The following SCAF1 variants were observed in gnomAD, a reference collection of about 807,000 sequenced individuals.
SCAF1 encodes SR-related CTD associated factor 1.
Under a neutral mutation model 91.2 loss-of-function variants are expected in SCAF1, and 28 were observed. The ratio of observed to expected loss-of-function variants is 0.31; its 90% CI spans 0.23 to 0.42. The LOEUF (loss-of-function observed/expected upper bound fraction) is 0.42. Among genes scored for constraint, SCAF1 ranks in the 10% least tolerant of loss-of-function variants. The pLI, the probability that SCAF1 is intolerant of heterozygous loss-of-function variation, is 1.00. For synonymous variants in SCAF1, 1,036 were observed against 833.7 expected (o/e 1.24, Z -4.18); for missense variants, 1,893 against 1,872.1 (o/e 1.01, Z -0.21).
rs948670916 is a variant in SCAF1, at chr19:49,645,915, C to T, written c.167-193C>T. Among the ~76,000 whole-genome samples, 1 of 152,204 alleles carries T rather than the reference C, an allele frequency of 6.6e-6. No individual in the cohort carries two copies. Among genetic ancestry groups the T allele is most frequent in the African/African-American group, 2.4e-5 (1 of 41,514 alleles). ...AGGTGTCTGAGGGCAGACAGGAGGA[C>T]GAATGGCTGAGCGTCGCAGCCTCTG... On this transcript the variant is annotated intron_variant, in intron 3 of 10. Coordinates refer to ENST00000360565, the MANE Select transcript of SCAF1 (RefSeq NM_021228.3). The surrounding 1 kb of genome is among the most constrained non-coding windows in gnomAD (Gnocchi z 4.6).
At chr19:49,650,060 G>A (rs2081076526) in intron 6 of SCAF1, among the ~76,000 whole-genome samples, 1 of 152,242 alleles carries the variant, frequency 6.6e-6, no homozygotes, top group African/African-American at 2.4e-5. Flanking sequence ...ACTTAGCACA[G>A]TGCAGCGGGC....
At position 49,652,249 on chromosome 19, in the gene SCAF1, C is replaced by G. The variant is rs968008017; in HGVS notation, c.1860C>G (p.Ser620=). 1.5e-5 allele frequency: 21 copies of G among 1,422,464 alleles called. No individual in the cohort carries two copies. Among genetic ancestry groups the G allele is most frequent in the Admixed American group, 3.0e-5 (1 of 33,626 alleles). The allele number at this position is 1,422,464 out of a possible 1,614,324, so 88.1% of individuals were successfully genotyped here. A position where few individuals can be genotyped will look rare whatever the true frequency, so the allele number is the denominator to read the frequency against. Reference sequence around the variant, plus strand: ...CCGCCTCCCCGCCCCCGGCCACTTCCTCATCGTCGTCCTCGAGGCGCGAGC... The same window carrying G: ...CCGCCTCCCCGCCCCCGGCCACTTCGTCATCGTCGTCCTCGAGGCGCGAGC... The part of the protein sequence containing the change: ...RRSASPPPAT[S]SSSSSRRERH... The change falls in exon 7 of 11, where the codon TCC becomes TCG. Residue 620 remains serine, a synonymous_variant. Coordinates refer to ENST00000360565, the MANE Select transcript of SCAF1 (RefSeq NM_021228.3).
In SCAF1 at chr19:49,651,797, C is replaced by A; in HGVS notation, c.1408C>A (p.Pro470Thr). 1 of 1,271,600 alleles carries A rather than the reference C, an allele frequency of 7.9e-7. No homozygotes were observed. Among genetic ancestry groups the A allele is most frequent in the Non-Finnish European group, 9.9e-7 (1 of 1,009,850 alleles). 78.8% of individuals were successfully genotyped at this position (1,271,600 alleles called of 1,614,324 possible). A position where few individuals can be genotyped will look rare whatever the true frequency, so the allele number is the denominator to read the frequency against. Residue 470 changes from proline to threonine, a missense_variant, in exon 7 of 11, where the codon CCG (proline) becomes ACG (threonine). Coordinates refer to ENST00000360565, the MANE Select transcript of SCAF1 (RefSeq NM_021228.3). ...QVDLGEPAPA[P>T]PAADSRWGGL... ...GGACCTAGGGGAGCCGGCTCCCGCGCCGCCCGCCGCCGACTCGCGCTGGGG... is the reference window on the plus strand; with the variant it reads ...GGACCTAGGGGAGCCGGCTCCCGCGACGCCCGCCGCCGACTCGCGCTGGGG...
chr19:49,657,420 T>G (rs2081146839), intron 9 of SCAF1, among the ~76,000 whole-genome samples: 1 of 152,220 alleles, frequency 6.6e-6, no homozygotes, highest in Non-Finnish European at 1.5e-5. Context: ...AGAGTCTGAT[T>G]CAAAACCAGC....
chr19:49,640,898 G>A (rs909739391), upstream of SCAF1, among the ~76,000 whole-genome samples: 3 of 152,206 alleles, frequency 2.0e-5, no homozygotes, highest in African/African-American at 7.2e-5. Flanking sequence ...GAAGCAGAGG[G>A]CCCAGACTCC....
At position 49,646,245 on chromosome 19, in the gene SCAF1, A is replaced by G. The variant is rs1185194098; in HGVS notation, c.261+43A>G. 3.1e-6 allele frequency: 3 copies of G among 973,424 alleles called. No homozygotes were observed. Among genetic ancestry groups the G allele is most frequent in the Non-Finnish European group, 2.9e-6 (2 of 683,506 alleles). The allele number at this position is 973,424 out of a possible 1,614,324, so 60.3% of individuals were successfully genotyped here. A position where few individuals can be genotyped will look rare whatever the true frequency, so the allele number is the denominator to read the frequency against. The stretch of plus-strand genomic sequence containing the variant: ...GCTGGGGGCCTGGCTCACGGGTATC[A>G]GGGAGGAAGGGATGGGGGCCTGAGT... On this transcript the variant is annotated intron_variant, in intron 4 of 10. Coordinates refer to ENST00000360565, the MANE Select transcript of SCAF1 (RefSeq NM_021228.3). This position sits in a 1 kb window ranked among gnomAD's most constrained non-coding sequence, Gnocchi z 5.6.
In SCAF1 at chr19:49,653,650, C is replaced by T; in HGVS notation, c.3261C>T (p.Pro1087=). ...CCCAGCTGCCCACGTTGCCCCCGCC[C>T]ATGCCCTGGAATCTGCCAGCTGGTG... ...RVSQLPTLPP[P]MPWNLPAGVD... Residue 1087 remains proline (P), a synonymous_variant, in exon 7 of 11, where the codon CCC becomes CCT. Transcript: ENST00000360565. 1.3e-6 allele frequency: 2 copies of T among 1,588,302 alleles called. No homozygotes were observed. Among genetic ancestry groups the T allele is most frequent in the Non-Finnish European group, 1.7e-6 (2 of 1,172,316 alleles).
chr19:49,654,507 C>A, intron 8 of SCAF1, 76 bp downstream of exon 8: 1 of 1,456,396 alleles, frequency 6.9e-7, no homozygotes, highest in Non-Finnish European at 9.6e-7. Flanking sequence ...GAACCGCGGG[C>A]CTGGCAGCTC....
Position 49,653,346 on chromosome 19 carries a change from C to A in SCAF1, c.2957C>A (p.Pro986His). ...TPPPKAAPPP[P>H]ALTPDSQTVD... ...CCCCCCAAGGCAGCCCCACCACCCC[C>A]TGCCCTCACTCCGGACTCGCAGACC... The change falls in exon 7 of 11, where the codon CCT (proline) becomes CAT (histidine). Residue 986 changes from proline to histidine, a missense_variant. Physicochemically the swap from Pro to His is moderately conservative, Grantham distance 77. This residue lies in a region of SCAF1 where 1,436 missense variants were observed against 1,306.8 expected (regional missense o/e 1.10). Coordinates refer to ENST00000360565, the MANE Select transcript of SCAF1 (RefSeq NM_021228.3). 5.4e-6 allele frequency: 8 copies of A among 1,481,920 alleles called. No homozygotes were observed. The highest frequency in any genetic ancestry group is 6.3e-6 in the Non-Finnish European group (7 of 1,114,474). 91.8% of individuals were successfully genotyped at this position (1,481,920 alleles called of 1,614,324 possible).
chr19:49,653,243 C>G lies in SCAF1; in HGVS notation c.2854C>G (p.Gln952Glu), dbSNP rs746864507. 6.7e-7 allele frequency: 1 copy of G among 1,493,836 alleles called. No homozygotes were observed. Among genetic ancestry groups the G allele is most frequent in the Admixed American group, 2.4e-5 (1 of 42,028 alleles). The allele number at this position is 1,493,836 out of a possible 1,614,324, so 92.5% of individuals were successfully genotyped here. ...LKKSKADSCS[Q>E]AAGTKGAEET... Reference sequence around the variant, plus strand: ...GAAGTCCAAGGCGGATAGCTGCAGCCAGGCGGCAGGCACCAAGGGGGCGGA... The same window carrying G: ...GAAGTCCAAGGCGGATAGCTGCAGCGAGGCGGCAGGCACCAAGGGGGCGGA... Residue 952 changes from glutamine (Q) to glutamate (E), a missense_variant, in exon 7 of 11, where the codon CAG becomes GAG. Physicochemically the swap from Gln to Glu is conservative, Grantham distance 29 (BLOSUM62 2). Coordinates refer to ENST00000360565, the MANE Select transcript of SCAF1 (RefSeq NM_021228.3).
chr19:49,652,125 G>A lies in SCAF1; in HGVS notation c.1736G>A (p.Arg579His). The A allele has an allele frequency of 2.7e-6, 3 of 1,117,756 alleles. No individual in the cohort carries two copies. Among genetic ancestry groups the A allele is most frequent in the South Asian group, 2.2e-5 (1 of 45,610 alleles). The allele number at this position is 1,117,756 out of a possible 1,614,324, so 69.2% of individuals were successfully genotyped here. Reference sequence around the variant, plus strand: ...CGCCGCCGCTCCCGCTCCCGCTCCCGCTCCCGCTCCACCCGCCGCCGCTCG... The same window carrying A: ...CGCCGCCGCTCCCGCTCCCGCTCCCACTCCCGCTCCACCCGCCGCCGCTCG... ...SARRRSRSRS[R>H]SRSTRRRSRS... Residue 579 changes from arginine (R) to histidine (H), a missense_variant, in exon 7 of 11, where the codon CGC (arginine) becomes CAC (histidine). This residue lies in a region of SCAF1 where 1,436 missense variants were observed against 1,306.8 expected (regional missense o/e 1.10). Coordinates refer to ENST00000360565, the MANE Select transcript of SCAF1 (RefSeq NM_021228.3).
rs748241897 is a variant in SCAF1, at chr19:49,645,367, A to G, written c.122A>G (p.Gln41Arg). The G allele has an allele frequency of 6.2e-7, 1 of 1,613,968 alleles. No individual in the cohort carries two copies. The highest frequency in any genetic ancestry group is 1.1e-5 in the South Asian group (1 of 91,078). The change falls in exon 3 of 11, where the codon CAG becomes CGG. Residue 41 changes from glutamine to arginine, a missense_variant. Physicochemically the swap from Gln to Arg is conservative, Grantham distance 43. Coordinates refer to ENST00000360565, the MANE Select transcript of SCAF1 (RefSeq NM_021228.3). This position sits in a 1 kb window ranked among gnomAD's most constrained non-coding sequence, Gnocchi z 4.6. The stretch of plus-strand genomic sequence containing the variant: ...CCCCTTCCCCAGCGAGCCATCCAGC[A>G]GGCTGTGGGAAGCTCCCTGCAGGGG... ...PSAFILRAIQQAVGSSLQGDL... is the reference protein window; with the variant it reads ...PSAFILRAIQRAVGSSLQGDL...
rs1251065044 is a variant in SCAF1 at position 49,652,809 on chromosome 19, C to G, written c.2420C>G (p.Pro807Arg). 4 of 1,613,868 alleles carry G rather than the reference C, an allele frequency of 2.5e-6. No homozygotes were observed. In the South Asian group the frequency reaches 3.3e-5, roughly 13 times the overall value. The change falls in exon 7 of 11, where the codon CCC (proline) becomes CGC (arginine). Residue 807 changes from proline to arginine, a missense_variant. By Grantham distance (103) the Pro-to-Arg change is moderately radical (BLOSUM62 -2). Coordinates refer to ENST00000360565, the MANE Select transcript of SCAF1 (RefSeq NM_021228.3). ...AAGGAGTCGGCGCCTTCCTCAGGGCCCCCGCCAAAGCCACCAGTCAGCAGC... is the reference window on the plus strand; with the variant it reads ...AAGGAGTCGGCGCCTTCCTCAGGGCGCCCGCCAAAGCCACCAGTCAGCAGC... ...PPKESAPSSG[P>R]PPKPPVSSGS...
In SCAF1 at chr19:49,653,341, AC is replaced by A; in HGVS notation, c.2957del (p.Pro986LeufsTer121). On this transcript the variant is annotated frameshift_variant, in exon 7 of 11. Transcript: ENST00000360565. LOFTEE classifies it high-confidence loss of function. ...STPPPKAAPP[P>X]PALTPDSQTV... ...CCCCGCCCCCCAAGGCAGCCCCACCACCCCCTGCCCTCACTCCGGACTCGCA... is the reference window on the plus strand; with the variant it reads ...CCCCGCCCCCCAAGGCAGCCCCACCACCCCTGCCCTCACTCCGGACTCGCA... 1 of 1,468,862 alleles carries A rather than the reference AC, an allele frequency of 6.8e-7. No homozygotes were observed. 91.0% of individuals were successfully genotyped at this position (1,468,862 alleles called of 1,614,324 possible). A position where few individuals can be genotyped will look rare whatever the true frequency, so the allele number is the denominator to read the frequency against.
At position 49,652,620 on chromosome 19, in the gene SCAF1, G is replaced by C. The variant is rs557400518; in HGVS notation, c.2231G>C (p.Gly744Ala). 1.9e-6 allele frequency: 3 copies of C among 1,562,430 alleles called. No homozygotes were observed. The highest frequency in any genetic ancestry group is 3.8e-5 in the Admixed American group (2 of 52,606). The change falls in exon 7 of 11, where the codon GGC becomes GCC. Residue 744 changes from glycine to alanine, a missense_variant. Around this residue, in one of 5 missense-constraint regions of SCAF1, gnomAD observed 1,436 missense variants for 1,306.8 expected, o/e 1.10. Coordinates refer to ENST00000360565, the MANE Select transcript of SCAF1 (RefSeq NM_021228.3). ...SEGLSGEERG[G>A]KSSQKDRRRS... ...GGACTGAGCGGCGAGGAGCGGGGCG[G>C]CAAGAGCAGCCAGAAGGATCGGCGC...
At position 49,653,013 on chromosome 19, in the gene SCAF1, C is replaced by T. The variant is rs754045130; in HGVS notation, c.2624C>T (p.Pro875Leu). The change falls in exon 7 of 11, where the codon CCC becomes CTC. Residue 875 changes from proline (P) to leucine (L), a missense_variant. This residue lies in a region of SCAF1 where 1,436 missense variants were observed against 1,306.8 expected (regional missense o/e 1.10). Transcript: ENST00000360565. ...AGCCGTGACCGCGAGAGTCGCTCCC[C>T]CTTCCTCAAACCTGACGAGCGGGCC... is the stretch of plus-strand genomic sequence containing the variant. ...KFSRDRESRS[P>L]FLKPDERAPT... 9 of 1,614,022 alleles carry T rather than the reference C, an allele frequency of 5.6e-6. No individual in the cohort carries two copies. Among genetic ancestry groups the T allele is most frequent in the South Asian group, 3.3e-5 (3 of 91,076 alleles).
In SCAF1 at chr19:49,646,462, G is replaced by C; in HGVS notation, c.262-64G>C. On this transcript the variant is annotated intron_variant, in intron 4 of 10. Coordinates refer to ENST00000360565, the MANE Select transcript of SCAF1 (RefSeq NM_021228.3). This position sits in a 1 kb window ranked among gnomAD's most constrained non-coding sequence, Gnocchi z 5.6. ...GGTTCCTGAGAGGTTAGGGAGTGGGGAAGCAGGATTTGCCAGTCTTCATGT... is the reference window on the plus strand; with the variant it reads ...GGTTCCTGAGAGGTTAGGGAGTGGGCAAGCAGGATTTGCCAGTCTTCATGT... 7.1e-7 allele frequency: 1 copy of C among 1,416,858 alleles called. No individual in the cohort carries two copies. The highest frequency in any genetic ancestry group is 1.0e-6 in the Non-Finnish European group (1 of 1,003,350). 87.8% of individuals were successfully genotyped at this position (1,416,858 alleles called of 1,614,324 possible).
rs750314813 is a variant in SCAF1, at chr19:49,651,533, C to T, written c.1144C>T (p.Pro382Ser). The change falls in exon 7 of 11, where the codon CCC becomes TCC. Residue 382 changes from proline to serine, a missense_variant. Coordinates refer to ENST00000360565, the MANE Select transcript of SCAF1 (RefSeq NM_021228.3). Reference protein sequence around the residue: ...VTAGGAALPPPLLPPGDSEIE... With the variant: ...VTAGGAALPPSLLPPGDSEIE... The stretch of plus-strand genomic sequence containing the variant: ...CGCTGGTGGAGCCGCCCTCCCGCCG[C>T]CCCTGCTGCCGCCCGGCGACTCGGA... 27 of 1,565,154 alleles carry T rather than the reference C, an allele frequency of 1.7e-5. No individual in the cohort carries two copies. Among genetic ancestry groups the T allele is most frequent in the Non-Finnish European group, 2.3e-5 (27 of 1,156,956 alleles).
chr19:49,654,736 T>C lies in SCAF1; in HGVS notation c.3484T>C (p.Ser1162Pro), dbSNP rs755678232. Reference sequence around the variant, plus strand: ...CTCTTTGGGTCTGCCCCCTGGCCCCTCCAGCTACCTGCTTCCTGGCAGCCT... The same window carrying C: ...CTCTTTGGGTCTGCCCCCTGGCCCCCCCAGCTACCTGCTTCCTGGCAGCCT... ...PTSLGLPPGP[S>P]SYLLPGSLPL... The change falls in exon 9 of 11, where the codon TCC becomes CCC. Residue 1162 changes from serine (S) to proline (P), a missense_variant. Physicochemically the swap from Ser to Pro is moderately conservative, Grantham distance 74 (BLOSUM62 -1). Around this residue, in one of 5 missense-constraint regions of SCAF1, gnomAD observed 1,436 missense variants for 1,306.8 expected, o/e 1.10. Coordinates refer to ENST00000360565, the MANE Select transcript of SCAF1 (RefSeq NM_021228.3). 1 of 1,613,918 alleles carries C rather than the reference T, an allele frequency of 6.2e-7. No homozygotes were observed. The highest frequency in any genetic ancestry group is 8.5e-7 in the Non-Finnish European group (1 of 1,179,948).
Sources: allele counts gnomAD v4.1 joint callset (sites outside exome capture counted in the v4.1 genomes callset), GRCh38; gene constraint gnomAD v4.1.1; regional missense constraint gnomAD v4.1.1; non-coding constraint Gnocchi (gnomAD v3.1); transcripts MANE v1.5; gene names NCBI Gene and HGNC (gene_info 2026-07-23, HGNC 2026-07-21).